The following SPATC1L variants were observed in gnomAD, a reference collection of about 807,000 sequenced individuals.
SPATC1L encodes speriolin-like protein.
In SPATC1L, 20 loss-of-function variants were observed where a neutral mutation model predicts 21.2. The observed-to-expected ratio is 0.94, with a 90% CI of 0.66 to 1.37. The LOEUF (loss-of-function observed/expected upper bound fraction) is 1.37. Ranked by LOEUF, SPATC1L falls within the 40% of genes most tolerant of loss-of-function variation. The probability of loss-of-function intolerance (pLI) is 0.00; values close to 1 mark genes in which losing one functional copy is unlikely to be tolerated. For missense variants in SPATC1L, 499 were observed against 478.7 expected (o/e 1.04, Z -0.40); for synonymous variants, 290 against 234.5 (o/e 1.24, Z -2.16).
At chr21:46,165,338 A>T (rs949953532) in intron 3 of SPATC1L, among the ~76,000 whole-genome samples, 1 of 152,242 alleles carries the variant, frequency 6.6e-6, no homozygotes, top group African/African-American at 2.4e-5. Context: ...TGATTTCCTC[A>T]GATTGCTGAT....
At chr21:46,172,086 C>T in intron 2 of SPATC1L, among the ~76,000 whole-genome samples, 1 of 79,136 alleles carries the variant, frequency 1.3e-5, no homozygotes, top group African/African-American at 4.0e-5. Flanking sequence ...GGGGGATGCA[C>T]AGAGCATGAG....
chr21:46,172,392 A>AGATACCTC (rs1270861597), intron 2 of SPATC1L, among the ~76,000 whole-genome samples: 1 of 152,362 alleles, frequency 6.6e-6, no homozygotes, highest in African/African-American at 2.4e-5. Flanking sequence ...CAAGAAGCTG[A>AGATACCTC]GATACCTCCA....
chr21:46,161,465 G>A lies in SPATC1L; in HGVS notation c.937C>T (p.Pro313Ser), dbSNP rs1445525152. The change falls in exon 5 of 5, where the codon CCC becomes TCC. Residue 313 changes from proline (P) to serine (S), a missense_variant. Physicochemically the swap from Pro to Ser is moderately conservative, Grantham distance 74 (BLOSUM62 -1). Transcript: ENST00000291672. ...AGCAGCGAGTCGCCCAGGAACTTGG[G>A]GGGCACCACGTCGATGACCAGCTTG... Reference protein sequence around the residue: ...LRKLVIDVVPPKFLGDSLLLL... With the variant: ...LRKLVIDVVPSKFLGDSLLLL... The A allele has an allele frequency of 6.3e-7, 1 of 1,596,104 alleles. No homozygotes were observed. The highest frequency in any genetic ancestry group is 8.6e-7 in the Non-Finnish European group (1 of 1,169,234).
chr21:46,163,997 TATTTA>T (rs1353937520), intron 3 of SPATC1L, among the ~76,000 whole-genome samples: 1 of 152,166 alleles, frequency 6.6e-6, no homozygotes, highest in Non-Finnish European at 1.5e-5. Context: ...TCTGTTTATT[TATTTA>T]TTGTTTGTTT....
At position 46,161,252 on chromosome 21, in the gene SPATC1L, G is replaced by A; in HGVS notation, c.*127C>T. On this transcript the variant is annotated 3_prime_UTR_variant, in exon 5 of 5. Transcript: ENST00000291672. ...CGGGGCCCAGCACCGGTGGGAGCGG[G>A]GCCTTCTCTGGCCTCGCGCGCGGGG... The A allele has an allele frequency of 2.3e-6, 2 of 885,476 alleles. No individual in the cohort carries two copies. Among genetic ancestry groups the A allele is most frequent in the Non-Finnish European group, 3.2e-6 (2 of 624,642 alleles). 54.9% of individuals were successfully genotyped at this position (885,476 alleles called of 1,614,324 possible). A position where few individuals can be genotyped will look rare whatever the true frequency, so the allele number is the denominator to read the frequency against.
chr21:46,163,099 G>A (rs1197861557), intron 3 of SPATC1L, among the ~76,000 whole-genome samples: 1 of 152,104 alleles, frequency 6.6e-6, no homozygotes, highest in Non-Finnish European at 1.5e-5. Context: ...ATCTTTTCAC[G>A]TGCTTATTGG....
At chr21:46,170,707 G>A (rs202143226) in intron 2 of SPATC1L, among the ~76,000 whole-genome samples, 672 of 7,414 alleles carry the variant, frequency 0.091, no homozygotes, top group East Asian at 0.35. Context: ...CTCTGTGGAT[G>A]GGGAGGAGCC....
chr21:46,182,503 G>T, intron 2 of SPATC1L, 121 bp downstream of exon 2: 1 of 893,306 alleles, frequency 1.1e-6, no homozygotes, highest in Non-Finnish European at 1.6e-6. Context: ...CAGACCTGAG[G>T]GTGTGAAAGG....
rs918817255 is a variant in SPATC1L, at chr21:46,161,321, C to T, written c.*58G>A. Reference sequence around the variant, plus strand: ...CCGGGGGGACGCGCAGGAGGCACCGCGGCCCCGGGTTGGAACAAACGCGTT... The same window carrying T: ...CCGGGGGGACGCGCAGGAGGCACCGTGGCCCCGGGTTGGAACAAACGCGTT... On this transcript the variant is annotated 3_prime_UTR_variant, in exon 5 of 5. Coordinates refer to ENST00000291672, the MANE Select transcript of SPATC1L (RefSeq NM_001142854.2). The T allele has an allele frequency of 3.3e-5, 47 of 1,424,254 alleles. No homozygotes were observed. Among genetic ancestry groups the T allele is most frequent in the Non-Finnish European group, 3.7e-5 (40 of 1,087,628 alleles). 88.2% of individuals were successfully genotyped at this position (1,424,254 alleles called of 1,614,324 possible).
At chr21:46,174,679 T>C (rs2079619292) in intron 2 of SPATC1L, among the ~76,000 whole-genome samples, 1 of 152,180 alleles carries the variant, frequency 6.6e-6, no homozygotes, top group Non-Finnish European at 1.5e-5. Flanking sequence ...CTCAGAGACC[T>C]TCAAAGAGGC....
At position 46,183,478 on chromosome 21, in the gene SPATC1L, C is replaced by CTGGTGGGGAGACCAGCT. The variant is rs2079696193; in HGVS notation, c.-663_-662insAGCTGGTCTCCCCACCA. The CTGGTGGGGAGACCAGCT allele has an allele frequency of 1.3e-5, 2 of 153,414 alleles. No individual in the cohort carries two copies. Among genetic ancestry groups the CTGGTGGGGAGACCAGCT allele is most frequent in the African/African-American group, 6.8e-5 (2 of 29,218 alleles). 9.5% of individuals were successfully genotyped at this position (153,414 alleles called of 1,614,324 possible). A position where few individuals can be genotyped will look rare whatever the true frequency, so the allele number is the denominator to read the frequency against. On this transcript the variant is annotated 5_prime_UTR_variant, in exon 2 of 5. Transcript: ENST00000291672. ...AGACCAGTCTGCGGGGGAGACCAGC[C>CTGGTGGGGAGACCAGCT]TGGGGAGGAGACCAGCCTGCAGGGG... is the stretch of plus-strand genomic sequence containing the variant.
chr21:46,162,470 A>G (rs2079507853), intron 3 of SPATC1L, among the ~76,000 whole-genome samples: 1 of 151,820 alleles, frequency 6.6e-6, no homozygotes, highest in African/African-American at 2.4e-5. Context: ...GGCTGGGAGG[A>G]AGGGGGAGAG....
At chr21:46,179,647 C>G (rs948614158) in intron 2 of SPATC1L, among the ~76,000 whole-genome samples, 1 of 152,182 alleles carries the variant, frequency 6.6e-6, no homozygotes, top group African/African-American at 2.4e-5. Flanking sequence ...AGAATTCTCA[C>G]CACTGTTGGA....
At chr21:46,162,196 C>T in intron 3 of SPATC1L, 129 bp from the exon 4 acceptor site, 1 of 1,060,078 alleles carries the variant, frequency 9.4e-7, no homozygotes, top group Non-Finnish European at 1.3e-6. Flanking sequence ...CCCCCACTGT[C>T]TGGCAAATAG....
intron 3 of SPATC1L, 22 bp downstream of exon 3, chr21:46,168,286 G>C (rs762670938): frequency 2.6e-6 from 4 of 1,525,318 alleles, no homozygotes; most frequent in Admixed American, 1.9e-5. Context: ...GCCCCCCCAG[G>C]TGCCCCCGCA....
chr21:46,162,321 G>A lies in SPATC1L; in HGVS notation c.545-254C>T, dbSNP rs144073173. ...ATGAGGTAAACCTTTTAATCTCGGG[G>A]GTGGGGACTGGTCCCCTGTCACGCG... On this transcript the variant is annotated intron_variant, in intron 3 of 4. Coordinates refer to ENST00000291672, the MANE Select transcript of SPATC1L (RefSeq NM_001142854.2). 2.0e-5 allele frequency among the ~76,000 whole-genome samples: 3 copies of A among 152,280 alleles called. No individual in the cohort carries two copies. In the South Asian group the frequency reaches 6.2e-4, roughly 32 times the overall value.
chr21:46,172,140 G>GCGGGGGA (rs1569001331), intron 2 of SPATC1L, among the ~76,000 whole-genome samples: 3 of 15,818 alleles, frequency 1.9e-4, no homozygotes, highest in Admixed American at 1.2e-3. Flanking sequence ...AGAGTGTGAG[G>GCGGGGGA]TGGGGGATGC....
In SPATC1L at chr21:46,161,628, G is replaced by A. The variant is rs201648062; in HGVS notation, c.774C>T (p.Ser258=). 5 of 1,610,142 alleles carry A rather than the reference G, an allele frequency of 3.1e-6. No homozygotes were observed. The highest frequency in any genetic ancestry group is 2.2e-5 in the East Asian group (1 of 44,810). Residue 258 remains serine, a synonymous_variant, in exon 5 of 5, where the codon AGC becomes AGT. Transcript: ENST00000291672. ...RELTQRYLAL[S]ARLEKLGYSR... ...TGTAGCCCAGCTTCTCCAGGCGCGC[G>A]CTCAGGGCCAGGTAGCGCTGCGTCA...
chr21:46,172,754 G>A (rs1248449697), intron 2 of SPATC1L, among the ~76,000 whole-genome samples: 1 of 152,252 alleles, frequency 6.6e-6, no homozygotes, highest in Non-Finnish European at 1.5e-5. Context: ...GGCCTGAGAT[G>A]ACTGGTGAGC....
Sources: gnomAD v4.1 joint callset for allele counts (sites outside exome capture counted in the v4.1 genomes callset) on GRCh38, gnomAD v4.1.1 for gene constraint, MANE v1.5 for transcripts, NCBI Gene and HGNC (gene_info 2026-07-23, HGNC 2026-07-21) for gene names.